Variants in EPB41 observed in about 807,000 individuals in gnomAD.
EPB41 encodes the protein protein 4.1.
A neutral mutation model predicts 108.0 loss-of-function variants in EPB41; 65 were observed. The observed-to-expected ratio is 0.60, with a 90% CI of 0.49 to 0.74. The LOEUF is 0.74. EPB41 is among the 30% of genes least tolerant of loss of function. EPB41 has a pLI of 0.00. For synonymous variants in EPB41, 336 were observed against 358.9 expected, an observed-to-expected ratio of 0.94 and a Z score of 0.72; for missense variants, 875 against 1,037.0, an observed-to-expected ratio of 0.84 and a Z score of 2.15.
In EPB41 at chr1:28,914,598, G is replaced by GTGGC. The variant is rs2092446020; in HGVS notation, c.-177_-176insGGCT. On this transcript the variant is annotated 5_prime_UTR_variant, in exon 1 of 21. Coordinates refer to ENST00000343067, the MANE Select transcript of EPB41 (RefSeq NM_001376013.1). Reference sequence around the variant, plus strand: ...GGAAGGCGGGAGGGCGCGCGCCAGGGTCGCTCGCTCGCTCCCTCCCTCCGC... The same window carrying GTGGC: ...GGAAGGCGGGAGGGCGCGCGCCAGGGTGGCTCGCTCGCTCGCTCCCTCCCTCCGC... 1 of 151,834 alleles carries GTGGC rather than the reference G, an allele frequency of 6.6e-6. No homozygotes were observed. Among genetic ancestry groups the GTGGC allele is most frequent in the Non-Finnish European group, 1.5e-5 (1 of 67,890 alleles). The allele number at this position is 151,834 out of a possible 1,614,324, so 9.4% of individuals were successfully genotyped here. A position where few individuals can be genotyped will look rare whatever the true frequency, so the allele number is the denominator to read the frequency against.
chr1:29,082,597 C>T (rs138563434), intron 16 of EPB41, among the ~76,000 whole-genome samples: 313 of 152,240 alleles, frequency 2.1e-3, no homozygotes, highest in African/African-American at 7.1e-3. Context: ...TTCATCCCTC[C>T]ACCCCTACCC....
intron 11 of EPB41, among the ~76,000 whole-genome samples, chr1:29,045,044 C>T (rs1026236415): frequency 6.6e-6 from 1 of 152,104 alleles, no homozygotes; most frequent in Non-Finnish European, 1.5e-5. Flanking sequence ...TGTTTAAATT[C>T]TCTAACAATA....
At chr1:28,928,015 G>C (rs1020641951) in intron 1 of EPB41, among the ~76,000 whole-genome samples, 2 of 152,032 alleles carry the variant, frequency 1.3e-5, no homozygotes, top group African/African-American at 4.8e-5. Context: ...CCCCAGAGGA[G>C]AGTCTTCTCT....
intron 1 of EPB41, among the ~76,000 whole-genome samples, chr1:28,981,522 A>G (rs2095746072): frequency 6.6e-6 from 1 of 152,170 alleles, no homozygotes; most frequent in Non-Finnish European, 1.5e-5. Context: ...CCCAGAATCT[A>G]TTGCTGTAAT....
chr1:28,939,054 T>C (rs1259286400), intron 1 of EPB41, among the ~76,000 whole-genome samples: 1 of 152,242 alleles, frequency 6.6e-6, no homozygotes, highest in African/African-American at 2.4e-5. Flanking sequence ...CATTCTAGTC[T>C]TATTCCTGAC....
At chr1:29,020,990 G>C (rs2096637185) in intron 7 of EPB41, among the ~76,000 whole-genome samples, 1 of 152,092 alleles carries the variant, frequency 6.6e-6, no homozygotes, top group Non-Finnish European at 1.5e-5. Flanking sequence ...TCTCAGGTTT[G>C]AGAGGACTTA....
At position 28,971,180 on chromosome 1, in the gene EPB41, C is replaced by CTTT. The variant is rs1000130058; in HGVS notation, c.-7-16230_-7-16228dup. ...ATCTTTTTTTTTTCTTTCTTTCTTTCTTTTTTTTTTTTTTTTTTTTTTTGG... is the reference window on the plus strand; with the variant it reads ...ATCTTTTTTTTTTCTTTCTTTCTTTCTTTTTTTTTTTTTTTTTTTTTTTTTTGG... On this transcript the variant is annotated intron_variant, in intron 1 of 20. Coordinates refer to ENST00000343067, the MANE Select transcript of EPB41 (RefSeq NM_001376013.1). Among the ~76,000 whole-genome samples the CTTT allele has an allele frequency of 5.2e-3, 342 of 66,296 alleles. 2 individuals carry two copies. The highest frequency in any genetic ancestry group is 8.7e-3 in the African/African-American group (133 of 15,282). 43.5% of individuals were successfully genotyped at this position (66,296 alleles called of 152,430 possible). A position where few individuals can be genotyped will look rare whatever the true frequency, so the allele number is the denominator to read the frequency against.
At chr1:28,916,354 T>A (rs1226150330) in intron 1 of EPB41, among the ~76,000 whole-genome samples, 3 of 152,138 alleles carry the variant, frequency 2.0e-5, no homozygotes, top group South Asian at 4.1e-4. Context: ...AAGTGAACTA[T>A]GTCGGGCACG....
chr1:28,984,636 A>C (rs1302322783), intron 1 of EPB41, among the ~76,000 whole-genome samples: 1 of 151,548 alleles, frequency 6.6e-6, no homozygotes, highest in African/African-American at 2.4e-5. Flanking sequence ...CAGTGAAATC[A>C]ATTCATTTTT....
At chr1:28,955,915 A>G (rs2094932625) in intron 1 of EPB41, among the ~76,000 whole-genome samples, 1 of 152,254 alleles carries the variant, frequency 6.6e-6, no homozygotes, top group South Asian at 2.1e-4. Context: ...TAACTGTTAT[A>G]TAATAAACAC....
chr1:28,971,798 A>G (rs576979369), intron 1 of EPB41, among the ~76,000 whole-genome samples: 2 of 152,362 alleles, frequency 1.3e-5, no homozygotes, highest in South Asian at 2.1e-4. Context: ...GACTAAATCA[A>G]TAACGACTCA....
At chr1:29,073,768 CTTAT>C (rs562564116) in intron 16 of EPB41, among the ~76,000 whole-genome samples, 106 of 152,254 alleles carry the variant, frequency 7.0e-4, no homozygotes, top group Admixed American at 2.3e-3. Context: ...AAGTTTTCTA[CTTAT>C]TTACATCTTC....
intron 1 of EPB41, among the ~76,000 whole-genome samples, chr1:28,973,855 A>C (rs961405722): frequency 6.6e-6 from 1 of 152,038 alleles, no homozygotes; most frequent in African/African-American, 2.4e-5. Context: ...TGATAATCTC[A>C]CTCTTCCCAA....
intron 15 of EPB41, among the ~76,000 whole-genome samples, chr1:29,061,667 C>G (rs1646603238): frequency 6.9e-6 from 1 of 145,914 alleles, no homozygotes; most frequent in Non-Finnish European, 1.5e-5. Flanking sequence ...GCACTCTCAG[C>G]CTCCTGGGCT....
intron 15 of EPB41, among the ~76,000 whole-genome samples, chr1:29,063,112 A>G (rs758982470): frequency 1.3e-5 from 2 of 152,158 alleles, no homozygotes; most frequent in African/African-American, 2.4e-5. Context: ...TGGCCCAAAC[A>G]GATTTTAATT....
At chr1:28,946,647 C>T (rs902588778) in intron 1 of EPB41, among the ~76,000 whole-genome samples, 6 of 152,046 alleles carry the variant, frequency 3.9e-5, no homozygotes, top group African/African-American at 1.4e-4. Flanking sequence ...CTTGAAATAG[C>T]GACTCTATTT....
intron 11 of EPB41, among the ~76,000 whole-genome samples, chr1:29,052,475 C>CA (rs1644691875): frequency 6.6e-6 from 1 of 152,100 alleles, no homozygotes; most frequent in African/African-American, 2.4e-5. Flanking sequence ...GACTGACAGT[C>CA]AAAGATTTTG....
chr1:28,927,566 T>G (rs1217250763), intron 1 of EPB41, among the ~76,000 whole-genome samples: 2 of 152,220 alleles, frequency 1.3e-5, no homozygotes, highest in African/African-American at 4.8e-5. Flanking sequence ...TACTACTCTC[T>G]GTGTATGCTA....
intron 1 of EPB41, among the ~76,000 whole-genome samples, chr1:28,953,480 A>C (rs2094823349): frequency 6.6e-6 from 1 of 152,196 alleles, no homozygotes; most frequent in South Asian, 2.1e-4. Flanking sequence ...TGGCATGTTA[A>C]CTTTGGATTT....
Sources: allele counts gnomAD v4.1 joint callset (sites outside exome capture counted in the v4.1 genomes callset), GRCh38; gene constraint gnomAD v4.1.1; transcripts MANE v1.5; gene names NCBI Gene and HGNC (gene_info 2026-07-23, HGNC 2026-07-21).